The following TJP2 variants were observed in gnomAD, a reference collection of about 807,000 sequenced individuals.
The protein encoded by TJP2 is tight junction protein 2.
In TJP2, 91 loss-of-function variants were observed where a neutral mutation model predicts 133.1. That is an observed-to-expected ratio of 0.68 (90% CI 0.58 to 0.81). TJP2 has a LOEUF of 0.81. Ranked by LOEUF, TJP2 falls within the 40% of genes least tolerant of loss-of-function variation. The pLI is 0.00. For synonymous variants in TJP2, 592 were observed against 583.4 expected (o/e 1.01, Z -0.21); for missense variants, 1,541 against 1,565.6 (o/e 0.98, Z 0.26).
intron 1 of TJP2, among the ~76,000 whole-genome samples, chr9:69,126,693 C>T (rs1470645347): frequency 1.3e-5 from 1 of 77,430 alleles, no homozygotes; most frequent in East Asian, 3.9e-4. Context: ...GGCTACGCAC[C>T]TCCATTTGGG....
chr9:69,223,509 G>A (rs1025215361), intron 5 of TJP2, among the ~76,000 whole-genome samples: 19 of 152,124 alleles, frequency 1.2e-4, no homozygotes, highest in African/African-American at 9.7e-5. Flanking sequence ...GGGTTTCACC[G>A]TGTTAGCCAG....
chr9:69,221,977 T>C (rs1828910416), intron 5 of TJP2, among the ~76,000 whole-genome samples: 2 of 150,654 alleles, frequency 1.3e-5, no homozygotes, highest in African/African-American at 2.5e-5. Context: ...GTTCAAGCAG[T>C]TTTCCTGCCT....
intron 1 of TJP2, among the ~76,000 whole-genome samples, chr9:69,193,206 G>T (rs370511235): frequency 7.2e-5 from 11 of 152,018 alleles, no homozygotes; most frequent in African/African-American, 1.2e-4. Flanking sequence ...ATGAGCCACC[G>T]TGCCTGGCTT....
At chr9:69,152,869 C>G (rs769934897) in intron 2 of TJP2, among the ~76,000 whole-genome samples, 1 of 118,948 alleles carries the variant, frequency 8.4e-6, no homozygotes, top group Admixed American at 1.0e-4. Flanking sequence ...CTCGCTCTGT[C>G]GCCCAGGCTG....
intron 1 of TJP2, among the ~76,000 whole-genome samples, chr9:69,207,660 C>G (rs1827541559): frequency 6.6e-6 from 1 of 152,186 alleles, no homozygotes; most frequent in Non-Finnish European, 1.5e-5. Flanking sequence ...AAAGCTCCCC[C>G]TGGTGCTAAG....
chr9:69,232,513 T>C (rs1208780714), intron 11 of TJP2, among the ~76,000 whole-genome samples: 1 of 152,224 alleles, frequency 6.6e-6, no homozygotes, highest in Non-Finnish European at 1.5e-5. Context: ...GTTTCAATGC[T>C]CCTTTTCATG....
exon 2 of TJP2, chr9:69,151,771 G>T: frequency 8.1e-7 from 1 of 1,232,092 alleles, no homozygotes; most frequent in Non-Finnish European, 1.0e-6. Flanking sequence ...CACGTTGCCA[G>T]GTATTTGCTT....
chr9:69,126,754 C>T lies in TJP2; in HGVS notation c.-131+5029C>T, dbSNP rs1299632116. On this transcript the variant is annotated intron_variant, in intron 1 of 5. Coordinates refer to the TJP2 transcript ENST00000423935. Reference sequence around the variant, plus strand: ...GAAAAAGCCATAAATTTACCTAGCACTTTTCAGTGTACTTTTTAGTTAACT... The same window carrying T: ...GAAAAAGCCATAAATTTACCTAGCATTTTTCAGTGTACTTTTTAGTTAACT... Among the ~76,000 whole-genome samples, 2 of 77,556 alleles carry T rather than the reference C, an allele frequency of 2.6e-5. 1 individual carries two copies. The highest frequency in any genetic ancestry group is 7.8e-5 in the African/African-American group (2 of 25,550). 50.9% of individuals were successfully genotyped at this position (77,556 alleles called of 152,430 possible).
intron 1 of TJP2, among the ~76,000 whole-genome samples, chr9:69,188,314 G>A (rs1049181185): frequency 2.0e-5 from 3 of 151,330 alleles, no homozygotes; most frequent in Non-Finnish European, 4.4e-5. Flanking sequence ...TCAACTAGGA[G>A]TAAATGTTAA....
chr9:69,248,132 G>C lies in TJP2; in HGVS notation c.2788G>C (p.Gly930Arg). Residue 930 changes from glycine (G) to arginine (R), a missense_variant, in exon 19 of 23, where the codon GGC becomes CGC. By Grantham distance (125) the Gly-to-Arg change is moderately radical. Transcript: ENST00000377245. ...SDFEDTDGEG[G>R]AYTDNELDEP... ...CTTTGAAGACACGGACGGTGAAGGA[G>C]GCGCCTACACTGACAATGAGCTGGA... 1 of 1,614,218 alleles carries C rather than the reference G, an allele frequency of 6.2e-7. No individual in the cohort carries two copies. The highest frequency in any genetic ancestry group is 1.1e-5 in the South Asian group (1 of 91,082).
rs9410796 is a variant in TJP2 at position 69,236,499 on chromosome 9, G to A, written c.1991+261G>A. Among the ~76,000 whole-genome samples, 30,863 of 152,030 alleles carry A rather than the reference G, an allele frequency of 0.2. 4,054 individuals are homozygous for A. The highest frequency in any genetic ancestry group is 0.28 in the South Asian group (1,324 of 4,812). On this transcript the variant is annotated intron_variant, in intron 13 of 22. Coordinates refer to ENST00000377245, the MANE Select transcript of TJP2 (RefSeq NM_004817.4). ...TAAGGAGCATCCACTGCCTTGTACCGTATACAAGAGATATACTGAATGGCC... is the reference window on the plus strand; with the variant it reads ...TAAGGAGCATCCACTGCCTTGTACCATATACAAGAGATATACTGAATGGCC...
intron 1 of TJP2, among the ~76,000 whole-genome samples, chr9:69,178,045 A>C (rs1271242798): frequency 6.6e-6 from 1 of 151,964 alleles, no homozygotes. Flanking sequence ...TTTTAAAGGG[A>C]TTGGTGTCTC....
intron 1 of TJP2, among the ~76,000 whole-genome samples, chr9:69,174,850 C>T (rs1475461381): frequency 6.6e-6 from 1 of 151,676 alleles, no homozygotes; most frequent in Non-Finnish European, 1.5e-5. Context: ...GAAAACTCAT[C>T]ACAGAGCAGA....
intron 1 of TJP2, among the ~76,000 whole-genome samples, chr9:69,141,862 T>TGGCCTGCC (rs1823033389): frequency 6.6e-6 from 1 of 152,238 alleles, no homozygotes; most frequent in African/African-American, 2.4e-5. Flanking sequence ...GTGCTGGGAT[T>TGGCCTGCC]ACAGGCGTGA....
chr9:69,191,206 G>A (rs2133063324), intron 1 of TJP2, among the ~76,000 whole-genome samples: 1 of 151,644 alleles, frequency 6.6e-6, no homozygotes, highest in South Asian at 2.1e-4. Context: ...AGTTGCAAAT[G>A]CAGATTTCCT....
At position 69,163,233 on chromosome 9, in the gene TJP2, T is replaced by C. The variant is rs1824180219; in HGVS notation, c.-10+11462T>C. 3.6e-5 allele frequency among the ~76,000 whole-genome samples: 2 copies of C among 56,008 alleles called. 1 individual carries two copies. Among genetic ancestry groups the C allele is most frequent in the South Asian group, 9.2e-4 (2 of 2,174 alleles). 36.7% of individuals were successfully genotyped at this position (56,008 alleles called of 152,430 possible). The stretch of plus-strand genomic sequence containing the variant: ...TAGTAGAGACGGGGTTTCACCCTTT[T>C]AGCCGGGATGGTCTCGATCTCCTGA... On this transcript the variant is annotated intron_variant, in intron 2 of 5. Coordinates refer to the TJP2 transcript ENST00000423935.
At chr9:69,182,582 C>T (rs1825588990) in intron 1 of TJP2, among the ~76,000 whole-genome samples, 1 of 152,112 alleles carries the variant, frequency 6.6e-6, no homozygotes. Context: ...GAAAGGTAGA[C>T]TCAATCTGCC....
At chr9:69,129,503 C>G (rs967803618) in intron 1 of TJP2, among the ~76,000 whole-genome samples, 4 of 151,570 alleles carry the variant, frequency 2.6e-5, no homozygotes, top group Non-Finnish European at 5.9e-5. Flanking sequence ...GAACAAGAAC[C>G]TGTCGCAAAA....
chr9:69,185,050 A>G (rs1275170150), intron 1 of TJP2, among the ~76,000 whole-genome samples: 1 of 147,806 alleles, frequency 6.8e-6, no homozygotes, highest in Non-Finnish European at 1.5e-5. Context: ...ACGCTTGGGC[A>G]GCAGACTGAT....
Sources: allele counts gnomAD v4.1 joint callset (sites outside exome capture counted in the v4.1 genomes callset), GRCh38; gene constraint gnomAD v4.1.1; transcripts MANE v1.5; gene names NCBI Gene and HGNC (gene_info 2026-07-23, HGNC 2026-07-21).